The following ZFX variants were observed in gnomAD, a reference collection of about 807,000 sequenced individuals.
The protein encoded by ZFX is zinc finger protein X-linked.
For missense variants in ZFX, 362 were observed against 628.3 expected (o/e 0.58, Z 4.53); for synonymous variants, 196 against 226.8 (o/e 0.86, Z 1.22).
intron 3 of ZFX, among the ~76,000 whole-genome samples, chrX:24,154,805 A>G (rs1047432681): frequency 8.9e-6 from 1 of 112,137 alleles, no homozygotes; most frequent in Non-Finnish European, 1.9e-5. Context: ...ATATGCAGCC[A>G]TAAAAAAGAA....
intron 5 of ZFX, among the ~76,000 whole-genome samples, chrX:24,202,449 C>A (rs899801916): frequency 8.0e-5 from 9 of 111,900 alleles, no homozygotes; most frequent in Admixed American, 1.9e-4. Flanking sequence ...CTTCACTCCA[C>A]TGATTTTAAC....
At position 24,173,463 on chromosome X, in the gene ZFX, G is replaced by A. The variant is rs1252784459; in HGVS notation, c.58+663G>A. 6 of 894,504 alleles carry A rather than the reference G, an allele frequency of 6.7e-6. No homozygotes were observed. In the African/African-American group the frequency reaches 1.2e-4, roughly 18 times the overall value. The allele number at this position is 894,504 out of a possible 1,213,427, so 73.7% of individuals were successfully genotyped here. On this transcript the variant is annotated intron_variant, in intron 4 of 9. Coordinates refer to ENST00000304543, the MANE Select transcript of ZFX (RefSeq NM_003410.4). ...AGATGGAGTCTTCACTCCCCATAGT[G>A]TACAAGGAAAAATTATACTCAGGAA...
intron 3 of ZFX, among the ~76,000 whole-genome samples, chrX:24,169,982 A>G (rs958310566): frequency 2.7e-5 from 3 of 110,650 alleles, no homozygotes; most frequent in Non-Finnish European, 3.8e-5. Flanking sequence ...AGAAATGCCA[A>G]GGAGGATGAA....
intron 3 of ZFX, among the ~76,000 whole-genome samples, chrX:24,154,682 GAA>G (rs1053446155): frequency 1.8e-5 from 2 of 111,778 alleles, no homozygotes; most frequent in Non-Finnish European, 3.8e-5. Context: ...ACACTTACGG[GAA>G]TCCAGCCGGT....
chrX:24,152,879 T>C (rs995887873), intron 3 of ZFX, 49 bp downstream of exon 3: 4 of 112,462 alleles, frequency 3.6e-5, no homozygotes, highest in African/African-American at 1.3e-4. Context: ...TATAAAATTA[T>C]TTTTGCCTGA....
At position 24,169,107 on chromosome X, in the gene ZFX, G is replaced by A. The variant is rs747542570; in HGVS notation, c.-28-3608G>A. On this transcript the variant is annotated intron_variant, in intron 3 of 9. Transcript: ENST00000304543. ...ATTCTAACTCCAGAGGGGTTACAAA[G>A]TTGAGGTATAGTCATCTCTGTTTAG... is the stretch of plus-strand genomic sequence containing the variant. Among the ~76,000 whole-genome samples, 5 of 111,545 alleles carry A rather than the reference G, an allele frequency of 4.5e-5. No individual in the cohort carries two copies. The East Asian group carries it at 8.4e-4, about 19-fold the overall frequency.
chrX:24,186,434 G>A (rs1054166494), intron 5 of ZFX, among the ~76,000 whole-genome samples: 5 of 109,304 alleles, frequency 4.6e-5, no homozygotes, highest in African/African-American at 1.7e-4. Context: ...GCAACATGGC[G>A]AGACTCCATC....
intron 9 of ZFX, among the ~76,000 whole-genome samples, chrX:24,209,682 TCTC>T (rs1244097734): frequency 2.7e-5 from 3 of 111,195 alleles, no homozygotes; most frequent in African/African-American, 9.8e-5. Context: ...TACAGGTGGT[TCTC>T]CTGCCTCAAC....
At chrX:24,168,646 CTA>C (rs1337699613) in intron 3 of ZFX, among the ~76,000 whole-genome samples, 1 of 101,787 alleles carries the variant, frequency 9.8e-6, no homozygotes, top group Non-Finnish European at 2.0e-5. Flanking sequence ...TCCCTCAAAA[CTA>C]TATGTTTTTC....
At chrX:24,209,375 C>G (rs779666644) in intron 9 of ZFX, among the ~76,000 whole-genome samples, 23 of 112,031 alleles carry the variant, frequency 2.1e-4, no homozygotes, top group African/African-American at 7.4e-4. Context: ...CAGCATAAAG[C>G]AGGCATAATT....
chrX:24,155,865 G>T (rs916807938), intron 3 of ZFX, among the ~76,000 whole-genome samples: 26 of 112,011 alleles, frequency 2.3e-4, no homozygotes, highest in African/African-American at 8.4e-4. Context: ...TTGGATTGTT[G>T]CCTCCTCCTT....
At chrX:24,175,429 C>G (rs1330143022) in intron 4 of ZFX, 1 of 112,048 alleles carries the variant, frequency 8.9e-6, no homozygotes, top group African/African-American at 3.2e-5. Context: ...TTGATCATCA[C>G]CACAGTCCTG....
chrX:24,167,859 C>G (rs1038318395), intron 3 of ZFX, among the ~76,000 whole-genome samples: 3 of 111,951 alleles, frequency 2.7e-5, no homozygotes, highest in African/African-American at 9.7e-5. Flanking sequence ...TTCCTAAGTT[C>G]AAGAAGGGCT....
At chrX:24,202,028 A>G (rs1000722350) in intron 5 of ZFX, among the ~76,000 whole-genome samples, 1 of 111,486 alleles carries the variant, frequency 9.0e-6, no homozygotes, top group African/African-American at 3.3e-5. Flanking sequence ...TTTCATACCT[A>G]TGATTGAAGC....
At chrX:24,181,984 G>T (rs968329846) in intron 5 of ZFX, among the ~76,000 whole-genome samples, 1 of 111,312 alleles carries the variant, frequency 9.0e-6, no homozygotes, top group African/African-American at 3.3e-5. Context: ...GGACAGAGAG[G>T]TAGCTGCATT....
chrX:24,170,685 A>G (rs1425485644), intron 3 of ZFX, among the ~76,000 whole-genome samples: 3 of 94,413 alleles, frequency 3.2e-5, no homozygotes, highest in African/African-American at 8.3e-5. Context: ...ATCTTGGCTC[A>G]TTGCAACCTC....
intron 5 of ZFX, 63 bp from the exon 6 acceptor site, chrX:24,207,262 TG>T: frequency 1.9e-6 from 2 of 1,075,465 alleles, no homozygotes; most frequent in Non-Finnish European, 1.3e-6. Context: ...TTTTTTTTTT[TG>T]CGAATAGTAA....
At chrX:24,203,034 C>T (rs760237555) in intron 5 of ZFX, among the ~76,000 whole-genome samples, 3 of 111,920 alleles carry the variant, frequency 2.7e-5, no homozygotes, top group Non-Finnish European at 3.8e-5. Context: ...CTTTTCAGGA[C>T]GTTATTCTTA....
chrX:24,173,087 T>G (rs1934781330), intron 4 of ZFX, among the ~76,000 whole-genome samples: 1 of 112,004 alleles, frequency 8.9e-6, no homozygotes, highest in South Asian at 3.7e-4. Context: ...TCCTGTTGTT[T>G]TTCCCTTTGA....
Sources: allele counts gnomAD v4.1 joint callset (sites outside exome capture counted in the v4.1 genomes callset), GRCh38; gene constraint gnomAD v4.1.1; transcripts MANE v1.5; gene names NCBI Gene and HGNC (gene_info 2026-07-23, HGNC 2026-07-21).